CACNA1C: variants seen among roughly 807,000 people sequenced by gnomAD.
The protein encoded by CACNA1C is calcium voltage-gated channel subunit alpha1 C.
CACNA1C carries 30 observed loss-of-function variants against 229.0 expected under a neutral mutation model. That is an observed-to-expected ratio of 0.13 (90% confidence interval 0.10 to 0.18). CACNA1C has a LOEUF of 0.18. Ranked by LOEUF, CACNA1C falls within the 10% of genes least tolerant of loss-of-function variation. The pLI, the probability that CACNA1C is intolerant of heterozygous loss-of-function variation, is 1.00. For synonymous variants in CACNA1C, 1,114 were observed against 1,132.5 expected (o/e 0.98, Z 0.33); for missense variants, 1,658 against 2,845.0 (o/e 0.58, Z 9.49).
chr12:2,518,356 C>T (rs1024459942), intron 9 of CACNA1C, among the ~76,000 whole-genome samples: 3 of 152,148 alleles, frequency 2.0e-5, no homozygotes, highest in African/African-American at 7.2e-5. Context: ...CGCCTGTAAT[C>T]CCAACACTTT....
At position 2,602,629 on chromosome 12, in the gene CACNA1C, CTTGTGTGT is replaced by C. The variant is rs1289898843; in HGVS notation, c.2960+670_2960+677del. Among the ~76,000 whole-genome samples, 120 of 87,840 alleles carry C rather than the reference CTTGTGTGT, an allele frequency of 1.4e-3. 1 individual carries two copies. Among genetic ancestry groups the C allele is most frequent in the African/African-American group, 3.6e-3 (89 of 24,440 alleles). 57.6% of individuals were successfully genotyped at this position (87,840 alleles called of 152,430 possible). ...TGTGTGTGACTGTGTATATTTGTGT[CTTGTGTGT>C]GTGTGTGTGTGTGTGTGTGTGTGTG... On this transcript the variant is annotated intron_variant, in intron 22 of 46. Transcript: ENST00000399655. This position sits in a 1 kb window ranked among gnomAD's most constrained non-coding sequence, Gnocchi z 4.4.
chr12:2,675,939 A>C (rs762493897), intron 39 of CACNA1C: 1 of 152,252 alleles, frequency 6.6e-6, no homozygotes, highest in Non-Finnish European at 1.5e-5. Context: ...ACTTGTGTTG[A>C]GAACCATTTG....
At chr12:2,066,227 T>C (rs993801911) in intron 1 of CACNA1C, among the ~76,000 whole-genome samples, 2 of 151,704 alleles carry the variant, frequency 1.3e-5, no homozygotes, top group Admixed American at 6.6e-5. Flanking sequence ...TGGAGGCAAG[T>C]AGAAGATGCC....
chr12:2,008,399 C>T (rs1009179302), intron 1 of CACNA1C, among the ~76,000 whole-genome samples: 1 of 147,912 alleles, frequency 6.8e-6, no homozygotes, highest in Non-Finnish European at 1.5e-5. Flanking sequence ...GGAGATGTTA[C>T]TTTTTATGTT....
At chr12:2,164,843 G>T (rs1442882000) in intron 3 of CACNA1C, among the ~76,000 whole-genome samples, 3 of 152,200 alleles carry the variant, frequency 2.0e-5, no homozygotes, top group Non-Finnish European at 4.4e-5. Flanking sequence ...GATAATACAG[G>T]TATGGCGCAC....
intron 3 of CACNA1C, among the ~76,000 whole-genome samples, chr12:2,396,005 T>C (rs576444265): frequency 6.6e-6 from 1 of 152,320 alleles, no homozygotes; most frequent in Non-Finnish European, 1.5e-5. Context: ...TCTACCTCAC[T>C]GGAGCCTGGT....
At chr12:2,531,963 C>T (rs937709129) in intron 9 of CACNA1C, among the ~76,000 whole-genome samples, 7 of 152,180 alleles carry the variant, frequency 4.6e-5, no homozygotes, top group Non-Finnish European at 8.8e-5. Flanking sequence ...CATCTTTGTG[C>T]AAGCCTCAGC....
At chr12:2,628,540 C>T (rs1213890154) in intron 29 of CACNA1C, among the ~76,000 whole-genome samples, 1 of 152,172 alleles carries the variant, frequency 6.6e-6, no homozygotes, top group Non-Finnish European at 1.5e-5. Context: ...CTTTGTTTCC[C>T]TGCTGTTCAG....
chr12:2,008,356 G>C (rs756493032), intron 1 of CACNA1C, among the ~76,000 whole-genome samples: 1 of 151,572 alleles, frequency 6.6e-6, no homozygotes, highest in Non-Finnish European at 1.5e-5. Flanking sequence ...TTCATGTTTT[G>C]TAGTGATGGG....
At chr12:2,452,243 A>G (rs2239082) in intron 4 of CACNA1C, among the ~76,000 whole-genome samples, 71,131 of 151,664 alleles carry the variant, frequency 0.47, 17,100 homozygotes, top group East Asian at 0.72. Context: ...GACACGTGGC[A>G]TTTCTTTCCT....
intron 1 of CACNA1C, among the ~76,000 whole-genome samples, chr12:2,039,325 T>G (rs1382054447): frequency 6.6e-6 from 1 of 152,180 alleles, no homozygotes; most frequent in Non-Finnish European, 1.5e-5. Flanking sequence ...TGTAGATACT[T>G]TTATGAGATG....
chr12:2,242,629 C>A (rs1286301809), intron 3 of CACNA1C, among the ~76,000 whole-genome samples: 3 of 152,320 alleles, frequency 2.0e-5, no homozygotes. Context: ...ATTATTGAGG[C>A]CCAACCGGAT....
chr12:2,445,845 C>T (rs909869726), intron 3 of CACNA1C, among the ~76,000 whole-genome samples: 1 of 152,152 alleles, frequency 6.6e-6, no homozygotes, highest in Non-Finnish European at 1.5e-5. Context: ...ATAGGGCCCT[C>T]AGAGCCTTCA....
chr12:2,479,588 C>G lies in CACNA1C; in HGVS notation c.758-6516C>G, dbSNP rs1357251912. The stretch of plus-strand genomic sequence containing the variant: ...AGCCATCATTCAGCTAATCAGACAT[C>G]TGGATTAAGCAGTATGGCTTTCTCT... On this transcript the variant is annotated intron_variant, in intron 5 of 46. Transcript: ENST00000399655. The surrounding 1 kb of genome is among the most constrained non-coding windows in gnomAD (Gnocchi z 4.3). Among the ~76,000 whole-genome samples, 2 of 152,328 alleles carry G rather than the reference C, an allele frequency of 1.3e-5. No individual in the cohort carries two copies. Among genetic ancestry groups the G allele is most frequent in the African/African-American group, 4.8e-5 (2 of 41,584 alleles).
In CACNA1C at chr12:2,389,731, C is replaced by G. The variant is rs561236023; in HGVS notation, c.478-59245C>G. 4.6e-5 allele frequency among the ~76,000 whole-genome samples: 7 copies of G among 152,286 alleles called. No homozygotes were observed. The East Asian group carries it at 1.4e-3, about 29-fold the overall frequency. On this transcript the variant is annotated intron_variant, in intron 3 of 46. Transcript: ENST00000399655. Reference sequence around the variant, plus strand: ...TCCTTGGCAGAATTTTAGAAGAAGCCTCCTGTCACCAGCCTTTCGGAGTCC... The same window carrying G: ...TCCTTGGCAGAATTTTAGAAGAAGCGTCCTGTCACCAGCCTTTCGGAGTCC...
In CACNA1C at chr12:2,647,900, A is replaced by T. The variant is rs1041003559; in HGVS notation, c.3913-575A>T. Among the ~76,000 whole-genome samples, 1 of 152,200 alleles carries T rather than the reference A, an allele frequency of 6.6e-6. No homozygotes were observed. The highest frequency in any genetic ancestry group is 1.5e-5 in the Non-Finnish European group (1 of 68,040). On this transcript the variant is annotated intron_variant, in intron 30 of 46. Transcript: ENST00000399655. The surrounding 1 kb of genome is among the most constrained non-coding windows in gnomAD (Gnocchi z 4.2). ...TACTTTGGGAGGCCAAGGCAGGAGG[A>T]TCGCTTGAGGCCAGCCCACGAGTTT... is the stretch of plus-strand genomic sequence containing the variant.
intron 3 of CACNA1C, among the ~76,000 whole-genome samples, chr12:2,255,205 T>C (rs978626469): frequency 5.9e-5 from 9 of 151,884 alleles, no homozygotes; most frequent in African/African-American, 2.2e-4. Context: ...CCCTCCTGGT[T>C]TTACTGAGGT....
intron 3 of CACNA1C, among the ~76,000 whole-genome samples, chr12:2,311,491 C>T (rs114696658): frequency 0.02 from 3,016 of 152,218 alleles, 114 homozygotes; most frequent in African/African-American, 0.069. Flanking sequence ...AACAGTGAAA[C>T]GGGAACCAAG....
intron 3 of CACNA1C, among the ~76,000 whole-genome samples, chr12:2,193,972 G>T (rs1358471143): frequency 6.6e-6 from 1 of 151,968 alleles, no homozygotes; most frequent in African/African-American, 2.4e-5. Context: ...CTCAGTCCTG[G>T]CCACTCCCAT....
Sources: allele counts gnomAD v4.1 joint callset (sites outside exome capture counted in the v4.1 genomes callset), GRCh38; gene constraint gnomAD v4.1.1; non-coding constraint Gnocchi (gnomAD v3.1); transcripts MANE v1.5; gene names NCBI Gene and HGNC (gene_info 2026-07-23, HGNC 2026-07-21).